The following ROCK1 variants were observed in gnomAD, a reference collection of about 807,000 sequenced individuals.
ROCK1 encodes rho-associated protein kinase 1.
In ROCK1, 36 loss-of-function variants were observed where a neutral mutation model predicts 196.8. The observed-to-expected ratio is 0.18, with a 90% confidence interval of 0.14 to 0.24. The LOEUF is 0.24. Ranked by LOEUF, ROCK1 falls within the 10% of genes least tolerant of loss-of-function variation. The pLI is 1.00. For missense variants in ROCK1, 920 were observed against 1,562.0 expected, an observed-to-expected ratio of 0.59 and a Z score of 6.93; for synonymous variants, 443 against 515.9, an observed-to-expected ratio of 0.86 and a Z score of 1.91.
At chr18:21,045,899 G>GTTTTTTT (rs34360056) in intron 4 of ROCK1, among the ~76,000 whole-genome samples, 3 of 62,498 alleles carry the variant, frequency 4.8e-5, no homozygotes, top group East Asian at 6.2e-4. Context: ...AGTTTCAGCT[G>GTTTTTTT]TTTTTTTTTT....
intron 29 of ROCK1, among the ~76,000 whole-genome samples, chr18:20,957,234 A>C (rs1471878710): frequency 2.0e-5 from 3 of 152,278 alleles, no homozygotes; most frequent in Admixed American, 6.5e-5. Flanking sequence ...CGATAGCCCC[A>C]AATTGGAAGC....
At chr18:21,039,857 G>A (rs1330416891) in intron 8 of ROCK1, among the ~76,000 whole-genome samples, 1 of 151,924 alleles carries the variant, frequency 6.6e-6, no homozygotes, top group East Asian at 1.9e-4. Flanking sequence ...TCAGGAGTTC[G>A]AGACCAGCCC....
At chr18:20,997,822 TCAA>T (rs909128957) in intron 16 of ROCK1, among the ~76,000 whole-genome samples, 18 of 148,564 alleles carry the variant, frequency 1.2e-4, no homozygotes, top group South Asian at 6.3e-4. Context: ...AAACTAGAAA[TCAA>T]CAACAAGTGG....
intron 14 of ROCK1, 129 bp from the exon 15 acceptor site, chr18:21,006,919 C>T: frequency 1.8e-6 from 1 of 563,298 alleles, no homozygotes; most frequent in South Asian, 3.1e-5. Context: ...ACTCCCAAAG[C>T]CAAATTCCAA....
At chr18:20,993,212 CT>C (rs937577284) in intron 16 of ROCK1, among the ~76,000 whole-genome samples, 3 of 151,228 alleles carry the variant, frequency 2.0e-5, no homozygotes, top group East Asian at 1.9e-4. Flanking sequence ...TTACTGAGTG[CT>C]TTTTTTTTGA....
intron 1 of ROCK1, among the ~76,000 whole-genome samples, chr18:21,109,945 G>A (rs1192681579): frequency 1.3e-5 from 2 of 151,996 alleles, no homozygotes; most frequent in African/African-American, 2.4e-5. Context: ...AGATTATGTG[G>A]TTTTGTTTGG....
chr18:21,075,789 C>A (rs1435917435), intron 1 of ROCK1, among the ~76,000 whole-genome samples: 4 of 151,602 alleles, frequency 2.6e-5, no homozygotes, highest in Non-Finnish European at 5.9e-5. Context: ...CCCTTCTTTA[C>A]TAAAATACAA....
chr18:21,058,358 T>G lies in ROCK1; in HGVS notation c.176-8478A>C, dbSNP rs141910420. Among the ~76,000 whole-genome samples the G allele has an allele frequency of 2.4e-4, 36 of 152,294 alleles. No homozygotes were observed. The East Asian group carries it at 6.8e-3, about 29-fold the overall frequency. On this transcript the variant is annotated intron_variant, in intron 2 of 32. Transcript: ENST00000399799. The stretch of plus-strand genomic sequence containing the variant: ...CCATTACTTTATGTACCACTAGAGA[T>G]TCTAAGATACATTCTAATTTCAAAA...
intron 9 of ROCK1, among the ~76,000 whole-genome samples, chr18:21,036,638 G>T (rs1317060991): frequency 6.6e-6 from 1 of 151,860 alleles, no homozygotes; most frequent in African/African-American, 2.4e-5. Flanking sequence ...TATAGAGATA[G>T]GGTCTCGCAA....
intron 18 of ROCK1, among the ~76,000 whole-genome samples, chr18:20,990,895 G>C (rs1429145491): frequency 3.3e-5 from 5 of 151,556 alleles, no homozygotes; most frequent in African/African-American, 4.8e-5. Context: ...CCAGTAGCTG[G>C]GATTACAGGC....
At chr18:20,987,256 A>C in intron 18 of ROCK1, 146 bp from the exon 19 acceptor site, 7 of 666,496 alleles carry the variant, frequency 1.1e-5, no homozygotes, top group African/African-American at 1.9e-5. Context: ...AGAAATTCTC[A>C]CATTATGTAA....
chr18:20,990,221 A>G (rs1283499203), intron 18 of ROCK1, among the ~76,000 whole-genome samples: 1 of 152,214 alleles, frequency 6.6e-6, no homozygotes, highest in African/African-American at 2.4e-5. Flanking sequence ...ACACAGTGGA[A>G]GTACAAAGAA....
At chr18:21,013,587 GAT>G in intron 13 of ROCK1, among the ~76,000 whole-genome samples, 1 of 152,328 alleles carries the variant, frequency 6.6e-6, no homozygotes, top group East Asian at 1.9e-4. Context: ...TGTAAGTGTA[GAT>G]TCCCCACATG....
intron 1 of ROCK1, among the ~76,000 whole-genome samples, chr18:21,077,343 C>T (rs2036441924): frequency 6.6e-6 from 1 of 152,100 alleles, no homozygotes; most frequent in Non-Finnish European, 1.5e-5. Flanking sequence ...CACCTTGAAC[C>T]CAAGAGGGTA....
At chr18:21,097,804 T>A (rs1467801254) in intron 1 of ROCK1, among the ~76,000 whole-genome samples, 2 of 152,256 alleles carry the variant, frequency 1.3e-5, no homozygotes, top group South Asian at 2.1e-4. Context: ...CTATGATTAA[T>A]CTTATTTGAA....
chr18:21,039,965 G>A (rs1028503052), intron 8 of ROCK1, among the ~76,000 whole-genome samples: 5 of 152,166 alleles, frequency 3.3e-5, no homozygotes, highest in East Asian at 1.9e-4. Flanking sequence ...GCTGAGACAG[G>A]AGAATCGCTT....
chr18:21,035,261 G>A (rs1331059647), intron 9 of ROCK1, among the ~76,000 whole-genome samples: 1 of 152,212 alleles, frequency 6.6e-6, no homozygotes, highest in Non-Finnish European at 1.5e-5. Context: ...TTAAACATAT[G>A]GCTGAGCGTG....
At chr18:20,988,131 T>C (rs2035592847) in intron 18 of ROCK1, among the ~76,000 whole-genome samples, 1 of 151,954 alleles carries the variant, frequency 6.6e-6, no homozygotes, top group African/African-American at 2.4e-5. Context: ...AGTGGTGCAA[T>C]CTCGATTCAC....
intron 10 of ROCK1, among the ~76,000 whole-genome samples, chr18:21,028,183 C>T (rs1271707760): frequency 1.3e-5 from 2 of 150,840 alleles, no homozygotes; most frequent in African/African-American, 2.4e-5. Flanking sequence ...TTTGGGAGGC[C>T]GAGGCAGGCA....
Sources: allele counts gnomAD v4.1 joint callset (sites outside exome capture counted in the v4.1 genomes callset), GRCh38; gene constraint gnomAD v4.1.1; transcripts MANE v1.5; gene names NCBI Gene and HGNC (gene_info 2026-07-23, HGNC 2026-07-21).